The following BAZ2B variants were observed in gnomAD, a reference collection of about 807,000 sequenced individuals.
BAZ2B encodes bromodomain adjacent to zinc finger domain 2B.
BAZ2B carries 91 observed loss-of-function variants against 246.0 expected under a neutral mutation model. That is an observed-to-expected ratio of 0.37 (90% CI 0.31 to 0.44). The LOEUF is 0.44. Ranked by LOEUF, BAZ2B falls within the 20% of genes least tolerant of loss-of-function variation. The pLI, the probability that BAZ2B is intolerant of heterozygous loss-of-function variation, is 1.00. For missense variants in BAZ2B, 2,332 were observed against 2,533.7 expected (o/e 0.92, Z 1.71); for synonymous variants, 855 against 860.0 (o/e 0.99, Z 0.10).
chr2:159,332,270 C>T (rs554891205), intron 34 of BAZ2B, among the ~76,000 whole-genome samples: 1 of 150,910 alleles, frequency 6.6e-6, no homozygotes, highest in South Asian at 2.1e-4. Flanking sequence ...AGGAAGATTG[C>T]TTGAGGCCAG....
intron 13 of BAZ2B, among the ~76,000 whole-genome samples, chr2:159,419,484 T>C (rs189788315): frequency 6.6e-6 from 1 of 152,332 alleles, no homozygotes; most frequent in African/African-American, 2.4e-5. Context: ...GATTATCAAC[T>C]TTATGACAGA....
At chr2:159,553,981 T>C (rs951208452) in intron 2 of BAZ2B, among the ~76,000 whole-genome samples, 13 of 152,134 alleles carry the variant, frequency 8.5e-5, no homozygotes, top group Non-Finnish European at 1.3e-4. Context: ...ACTAGCACTC[T>C]GAACCTGAAT....
intron 1 of BAZ2B, among the ~76,000 whole-genome samples, chr2:159,595,314 C>T (rs1690433480): frequency 6.6e-6 from 1 of 152,036 alleles, no homozygotes; most frequent in Non-Finnish European, 1.5e-5. Flanking sequence ...GTTGGTCAGG[C>T]TGGTCTCAAA....
At chr2:159,421,074 T>G (rs534425490) in intron 13 of BAZ2B, among the ~76,000 whole-genome samples, 1 of 152,318 alleles carries the variant, frequency 6.6e-6, no homozygotes, top group African/African-American at 2.4e-5. Flanking sequence ...TGCTGAAAAG[T>G]AGCCGATGCT....
At chr2:159,593,614 T>C (rs1319881913) in intron 1 of BAZ2B, among the ~76,000 whole-genome samples, 1 of 152,236 alleles carries the variant, frequency 6.6e-6, no homozygotes, top group South Asian at 2.1e-4. Context: ...TTGTGTGCCA[T>C]TTTGAGTGGC....
chr2:159,453,268 G>T (rs548334579), intron 4 of BAZ2B, among the ~76,000 whole-genome samples: 1 of 151,780 alleles, frequency 6.6e-6, no homozygotes, highest in African/African-American at 2.4e-5. Flanking sequence ...ATCAAATAAG[G>T]CTGAGAAAAA....
chr2:159,496,258 C>T (rs2151065452), intron 2 of BAZ2B, among the ~76,000 whole-genome samples: 1 of 148,724 alleles, frequency 6.7e-6, no homozygotes. Flanking sequence ...TGCCTGTAGT[C>T]CCAGCTACTC....
chr2:159,438,073 A>T, intron 8 of BAZ2B: 2 of 431,916 alleles, frequency 4.6e-6, no homozygotes, highest in Non-Finnish European at 4.1e-6. Flanking sequence ...CATGGGTTGC[A>T]GGGGAGCTGG....
chr2:159,657,611 T>A, the BAZ2B span, among the ~76,000 whole-genome samples: 1 of 152,234 alleles, frequency 6.6e-6, no homozygotes, highest in Non-Finnish European at 1.5e-5. Context: ...TATCTCACAA[T>A]TTACTTAGAT....
intron 2 of BAZ2B, among the ~76,000 whole-genome samples, chr2:159,535,404 C>T (rs1235804911): frequency 6.6e-6 from 1 of 152,194 alleles, no homozygotes; most frequent in Admixed American, 6.5e-5. Context: ...TGCCTGTAAT[C>T]CCAGCTACTG....
chr2:159,525,134 A>T (rs2084592006), intron 2 of BAZ2B, among the ~76,000 whole-genome samples: 1 of 152,202 alleles, frequency 6.6e-6, no homozygotes, highest in Non-Finnish European at 1.5e-5. Flanking sequence ...TTTACGAAAA[A>T]ATGACATCTG....
At chr2:159,583,033 C>T (rs911098402) in intron 1 of BAZ2B, among the ~76,000 whole-genome samples, 3 of 151,026 alleles carry the variant, frequency 2.0e-5, no homozygotes, top group Admixed American at 6.6e-5. Context: ...AATACTTATA[C>T]ATATAAGTAA....
At chr2:159,460,412 A>G (rs940023997) in intron 3 of BAZ2B, 6 of 152,130 alleles carry the variant, frequency 3.9e-5, no homozygotes, top group African/African-American at 1.4e-4. Flanking sequence ...TTTAAAAGTC[A>G]AGAAAATTGC....
the BAZ2B span, among the ~76,000 whole-genome samples, chr2:159,709,657 GC>G: frequency 6.6e-6 from 1 of 152,168 alleles, no homozygotes; most frequent in Non-Finnish European, 1.5e-5. Context: ...CACCATTTAT[GC>G]AAAGTAAAGG....
At chr2:159,415,728 G>A (rs1017661955) in intron 13 of BAZ2B, among the ~76,000 whole-genome samples, 6 of 152,112 alleles carry the variant, frequency 3.9e-5, no homozygotes, top group African/African-American at 9.7e-5. Flanking sequence ...ATAACCCAAA[G>A]TTCTTGAGTT....
intron 1 of BAZ2B, among the ~76,000 whole-genome samples, chr2:159,567,815 T>C (rs1018672457): frequency 6.6e-6 from 1 of 151,892 alleles, no homozygotes. Flanking sequence ...CTACTAAAAA[T>C]ACAAAAATTA....
At chr2:159,712,294 A>C in the BAZ2B span, 2 of 152,202 alleles carry the variant, frequency 1.3e-5, no homozygotes, top group South Asian at 4.1e-4. Flanking sequence ...CACGCCGGCC[A>C]GCCAGCCGCT....
At chr2:159,629,821 A>G in the BAZ2B span, among the ~76,000 whole-genome samples, 1 of 152,208 alleles carries the variant, frequency 6.6e-6, no homozygotes, top group Non-Finnish European at 1.5e-5. Context: ...CTTAAAGTAT[A>G]ATAAAAAATA....
chr2:159,685,980 G>C, the BAZ2B span, among the ~76,000 whole-genome samples: 4 of 152,186 alleles, frequency 2.6e-5, no homozygotes, highest in African/African-American at 9.7e-5. Context: ...GAATAATAGA[G>C]ACTGGCCCTG....
Sources: allele counts gnomAD v4.1 joint callset (sites outside exome capture counted in the v4.1 genomes callset), GRCh38; gene constraint gnomAD v4.1.1; transcripts MANE v1.5; gene names NCBI Gene and HGNC (gene_info 2026-07-23, HGNC 2026-07-21).